The following PSG1 variants were observed in gnomAD, a reference collection of about 807,000 sequenced individuals.
PSG1 encodes pregnancy specific beta-1-glycoprotein 1.
A neutral mutation model predicts 41.4 loss-of-function variants in PSG1; 60 were observed. The observed-to-expected ratio is 1.45, with a 90% CI of 1.18 to 1.80. The LOEUF (loss-of-function observed/expected upper bound fraction) is 1.80. Ranked by LOEUF, PSG1 falls within the 40% of genes most tolerant of loss-of-function variation. PSG1 has a pLI of 0.00. For synonymous variants in PSG1, 256 were observed against 192.9 expected (o/e 1.33, Z -2.71); for missense variants, 806 against 516.9 (o/e 1.56, Z -5.42).
rs763376493 is a variant in PSG1 at position 42,867,112 on chromosome 19, G to A, written c.*22C>T. 5 of 772,494 alleles carry A rather than the reference G, an allele frequency of 6.5e-6. No individual in the cohort carries two copies. Among genetic ancestry groups the A allele is most frequent in the Non-Finnish European group, 1.2e-5 (5 of 417,552 alleles). The allele number at this position is 772,494 out of a possible 1,614,324, so 47.9% of individuals were successfully genotyped here. A position where few individuals can be genotyped will look rare whatever the true frequency, so the allele number is the denominator to read the frequency against. Reference sequence around the variant, plus strand: ...CTTAGTGATTCCATGGGAGAAAATGGAATTGGAGGTACTAGTAGAATTCAG... The same window carrying A: ...CTTAGTGATTCCATGGGAGAAAATGAAATTGGAGGTACTAGTAGAATTCAG... On this transcript the variant is annotated 3_prime_UTR_variant, in exon 6 of 6. Transcript: ENST00000436291.
At position 42,871,894 on chromosome 19, in the gene PSG1, C is replaced by A. The variant is rs1356342455; in HGVS notation, c.582G>T (p.Lys194Asn). The change falls in exon 3 of 6, where the codon AAG becomes AAT. Residue 194 changes from lysine to asparagine, a missense_variant. Coordinates refer to ENST00000436291, the MANE Select transcript of PSG1 (RefSeq NM_001184825.2). ...AGAGGGTCCTGTTGGTTTCGGACAG[C>A]TTCAAGCTGTGAGTCATAGGGAGGC... ...GQSLPMTHSL[K>N]LSETNRTLFL... The A allele has an allele frequency of 1.1e-5, 17 of 1,612,360 alleles. 1 individual carries two copies. Among genetic ancestry groups the A allele is most frequent in the Non-Finnish European group, 1.4e-5 (17 of 1,179,232 alleles).
At chr19:42,879,035 A>T (rs1200337347) in intron 1 of PSG1, among the ~76,000 whole-genome samples, 1 of 151,200 alleles carries the variant, frequency 6.6e-6, no homozygotes, top group Admixed American at 6.6e-5. Context: ...AACACTTAAG[A>T]TTTTCCTACC....
intron 5 of PSG1, chr19:42,867,600 T>C: frequency 1.5e-6 from 1 of 684,812 alleles, no homozygotes; most frequent in Non-Finnish European, 2.6e-6. Context: ...AAGCAGATTG[T>C]TACTGTACTT....
chr19:42,869,806 G>A (rs1202198356), intron 3 of PSG1: 2 of 151,816 alleles, frequency 1.3e-5, no homozygotes, highest in Non-Finnish European at 2.9e-5. Context: ...CAGAGGGCAG[G>A]TGAGGACCAT....
intron 3 of PSG1, chr19:42,870,517 A>T (rs192686295): frequency 6.6e-6 from 1 of 151,422 alleles, no homozygotes; most frequent in Non-Finnish European, 1.5e-5. Context: ...GCTATTTTCT[A>T]TGTCATCAGA....
In PSG1 at chr19:42,867,988, G is replaced by T. The variant is rs1356855306; in HGVS notation, c.1243+113C>A. ...GGTTCAGGAGGAGAATTTGGGATTT[G>T]CTTGTGCCCATGGGACACAGGCTGG... is the stretch of plus-strand genomic sequence containing the variant. On this transcript the variant is annotated intron_variant, in intron 5 of 5. Coordinates refer to ENST00000436291, the MANE Select transcript of PSG1 (RefSeq NM_001184825.2). The T allele has an allele frequency of 6.1e-5, 98 of 1,604,526 alleles. 3 individuals are homozygous for T. The highest frequency in any genetic ancestry group is 8.2e-5 in the Non-Finnish European group (96 of 1,176,472).
rs185814735 is a variant in PSG1 at position 42,878,223 on chromosome 19, G to A, written c.120C>T (p.Ala40=). 146 of 1,610,964 alleles carry A rather than the reference G, an allele frequency of 9.1e-5. 2 individuals are homozygous for A. Among genetic ancestry groups the A allele is most frequent in the Non-Finnish European group, 1.1e-4 (133 of 1,178,714 alleles). ...TCCCCTCGGAAACTTTGGTTGGCTCGGCTTCAATCGTGACTTGGGCAGTGG... is the reference window on the plus strand; with the variant it reads ...TCCCCTCGGAAACTTTGGTTGGCTCAGCTTCAATCGTGACTTGGGCAGTGG... ...LPTTAQVTIE[A]EPTKVSEGKD... The change falls in exon 2 of 6, where the codon GCC becomes GCT. Residue 40 remains alanine (A), a synonymous_variant. Transcript: ENST00000436291.
In PSG1 at chr19:42,866,638, G is replaced by T; in HGVS notation, c.*496C>A. ...AACCATCTTCTCTGCAAACACACAG[G>T]CAATATCTCTGTGTTCATTTCTATT... On this transcript the variant is annotated 3_prime_UTR_variant, in exon 6 of 6. Coordinates refer to ENST00000436291, the MANE Select transcript of PSG1 (RefSeq NM_001184825.2). 3.9e-6 allele frequency: 1 copy of T among 257,460 alleles called. No individual in the cohort carries two copies. The highest frequency in any genetic ancestry group is 7.5e-6 in the Non-Finnish European group (1 of 132,956). 15.9% of individuals were successfully genotyped at this position (257,460 alleles called of 1,614,324 possible). A position where few individuals can be genotyped will look rare whatever the true frequency, so the allele number is the denominator to read the frequency against.
rs150602499 is a variant in PSG1 at position 42,872,018 on chromosome 19, C to G, written c.458G>C (p.Ser153Thr). ...GGTCTCCCTGGGATTTAAGTTGCTG[C>G]TGGAGATGGAGGGCTTAGGAGTCTC... ...HLETPKPSIS[S>T]SNLNPRETME... Residue 153 changes from serine (S) to threonine (T), a missense_variant, in exon 3 of 6, where the codon AGC becomes ACC. Physicochemically the swap from Ser to Thr is moderately conservative, Grantham distance 58 (BLOSUM62 1). Coordinates refer to ENST00000436291, the MANE Select transcript of PSG1 (RefSeq NM_001184825.2). The G allele has an allele frequency of 5.8e-5, 93 of 1,612,142 alleles. 1 individual carries two copies. Among genetic ancestry groups the G allele is most frequent in the African/African-American group, 9.4e-5 (7 of 74,648 alleles).
rs910096270 is a variant in PSG1 at position 42,874,588 on chromosome 19, G to A, written c.431-2543C>T. On this transcript the variant is annotated intron_variant, in intron 2 of 5. Transcript: ENST00000436291. ...GTCTCTATCTCTTGACCTTGTGCCC[G>A]CCTCGGCCTCCCAAAGTGCTGGGAT... Among the ~76,000 whole-genome samples, 63 of 151,868 alleles carry A rather than the reference G, an allele frequency of 4.1e-4. 3 individuals carry two copies. The highest frequency in any genetic ancestry group is 1.4e-3 in the African/African-American group (56 of 41,416).
At chr19:42,869,417 T>C in intron 3 of PSG1, 1 of 307,020 alleles carries the variant, frequency 3.3e-6, no homozygotes. Context: ...CCATCCTACT[T>C]TGTCCCCCTA....
intron 5 of PSG1, chr19:42,867,649 A>T (rs1487212029): frequency 1.3e-6 from 1 of 747,688 alleles, no homozygotes; most frequent in African/African-American, 1.8e-5. Context: ...ATCAATTCTC[A>T]TGAATAGTTG....
rs753031944 is a variant in PSG1, at chr19:42,871,973, G to T, written c.503C>A (p.Thr168Asn). ...PRETMEAVSL[T>N]CDPETPDASY... Reference sequence around the variant, plus strand: ...TGCGTCTGGAGTCTCAGGGTCACAGGTTAAGCTCACAGCCTCCATGGTCTC... The same window carrying T: ...TGCGTCTGGAGTCTCAGGGTCACAGTTTAAGCTCACAGCCTCCATGGTCTC... The change falls in exon 3 of 6, where the codon ACC (threonine) becomes AAC (asparagine). Residue 168 changes from threonine (T) to asparagine (N), a missense_variant. Transcript: ENST00000436291. 6.2e-7 allele frequency: 1 copy of T among 1,612,494 alleles called. No individual in the cohort carries two copies. Among genetic ancestry groups the T allele is most frequent in the South Asian group, 1.1e-5 (1 of 90,818 alleles).
chr19:42,868,211 T>C lies in PSG1; in HGVS notation c.1133A>G (p.Lys378Arg), dbSNP rs755684774. ...INEKFQLPGQKLFIRHITTKH... is the reference protein window; with the variant it reads ...INEKFQLPGQRLFIRHITTKH... ...TGTAGTAATATGGCGGATAAAGAGCTTTTGTCCTGGTAGCTGAAACTTTTC... is the reference window on the plus strand; with the variant it reads ...TGTAGTAATATGGCGGATAAAGAGCCTTTGTCCTGGTAGCTGAAACTTTTC... The change falls in exon 5 of 6, where the codon AAG (lysine) becomes AGG (arginine). Residue 378 changes from lysine to arginine, a missense_variant. Coordinates refer to ENST00000436291, the MANE Select transcript of PSG1 (RefSeq NM_001184825.2). 2.5e-6 allele frequency: 4 copies of C among 1,612,372 alleles called. 2 individuals are homozygous for C. Among genetic ancestry groups the C allele is most frequent in the Non-Finnish European group, 3.4e-6 (4 of 1,179,116 alleles).
chr19:42,868,469 C>G lies in PSG1; in HGVS notation c.989-114G>C. 4 of 1,479,562 alleles carry G rather than the reference C, an allele frequency of 2.7e-6. No individual in the cohort carries two copies. The South Asian group carries it at 5.5e-5, about 20-fold the overall frequency. 91.7% of individuals were successfully genotyped at this position (1,479,562 alleles called of 1,614,324 possible). On this transcript the variant is annotated intron_variant, in intron 4 of 5. Transcript: ENST00000436291. ...GCCAAGACACACCCTCAAGTCCCAG[C>G]CCAACCCCCTCTATGTTCACTGAGC...
chr19:42,867,207 G>A (rs1222133305), intron 5 of PSG1, 57 bp from the exon 6 acceptor site: 2 of 764,066 alleles, frequency 2.6e-6, no homozygotes, highest in African/African-American at 1.7e-5. Flanking sequence ...TCTCATAACA[G>A]GTATACTACA....
In PSG1 at chr19:42,877,928, T is replaced by C. The variant is rs1283109293; in HGVS notation, c.415A>G (p.Thr139Ala). 3.1e-6 allele frequency: 5 copies of C among 1,612,022 alleles called. No individual in the cohort carries two copies. The highest frequency in any genetic ancestry group is 2.7e-5 in the African/African-American group (2 of 74,620). The change falls in exon 2 of 6, where the codon ACC (threonine) becomes GCC (alanine). Residue 139 changes from threonine to alanine, a missense_variant. By Grantham distance (58) the Thr-to-Ala change is moderately conservative. Coordinates refer to ENST00000436291, the MANE Select transcript of PSG1 (RefSeq NM_001184825.2). ...AATCACTTACGGTGTAAGGTGAAGGTGAAACGTCCAGTTACTCCTCTAGTC... is the reference window on the plus strand; with the variant it reads ...AATCACTTACGGTGTAAGGTGAAGGCGAAACGTCCAGTTACTCCTCTAGTC... ...DGTRGVTGRFTFTLHLETPKP... is the reference protein window; with the variant it reads ...DGTRGVTGRFAFTLHLETPKP...
At chr19:42,869,934 G>T (rs868437696) in intron 3 of PSG1, 5 of 151,724 alleles carry the variant, frequency 3.3e-5, no homozygotes, top group African/African-American at 9.7e-5. Context: ...TGATGGATAT[G>T]AGACAAATTT....
intron 2 of PSG1, among the ~76,000 whole-genome samples, chr19:42,875,765 T>A (rs1485759434): frequency 6.6e-6 from 1 of 151,568 alleles, no homozygotes; most frequent in East Asian, 1.9e-4. Flanking sequence ...CTTGGAGTCA[T>A]TAAAATCTTT....
Sources: allele counts gnomAD v4.1 joint callset (sites outside exome capture counted in the v4.1 genomes callset), GRCh38; gene constraint gnomAD v4.1.1; transcripts MANE v1.5; gene names NCBI Gene and HGNC (gene_info 2026-07-23, HGNC 2026-07-21).